The following CALN1 variants were observed in gnomAD, a reference collection of about 807,000 sequenced individuals.
CALN1 encodes the protein calcium-binding protein 8.
A neutral mutation model predicts 30.6 loss-of-function variants in CALN1; 17 were observed. The ratio of observed to expected loss-of-function variants is 0.56; its 90% CI spans 0.38 to 0.83. The LOEUF (loss-of-function observed/expected upper bound fraction) is 0.83, where lower values mean the gene tolerates loss of function less well. CALN1 is among the 40% of genes least tolerant of loss of function. CALN1 has a pLI of 0.00. For synonymous variants in CALN1, 156 were observed against 131.4 expected (o/e 1.19, Z -1.28); for missense variants, 291 against 354.9 (o/e 0.82, Z 1.45).
chr7:71,900,686 G>A (rs1490209077), intron 5 of CALN1, among the ~76,000 whole-genome samples: 1 of 152,210 alleles, frequency 6.6e-6, no homozygotes, highest in African/African-American at 2.4e-5. Context: ...TAGGGCAGAT[G>A]TCTGTGGTCA....
At chr7:71,948,889 A>G (rs1034850142) in intron 5 of CALN1, among the ~76,000 whole-genome samples, 1 of 151,690 alleles carries the variant, frequency 6.6e-6, no homozygotes, top group South Asian at 2.1e-4. Context: ...AAACAAATTT[A>G]AAAAATAGCC....
intron 2 of CALN1, among the ~76,000 whole-genome samples, chr7:72,332,624 T>C (rs1199075607): frequency 1.3e-5 from 2 of 152,098 alleles, no homozygotes; most frequent in Non-Finnish European, 2.9e-5. Flanking sequence ...TTCCTGCCAC[T>C]GAGATCCCCT....
intron 4 of CALN1, among the ~76,000 whole-genome samples, chr7:72,086,419 G>A (rs1382244462): frequency 3.9e-5 from 6 of 151,960 alleles, no homozygotes; most frequent in Non-Finnish European, 8.8e-5. Context: ...ATCAATTATT[G>A]TAGTTGTTAT....
chr7:72,098,009 C>T (rs555400544), intron 4 of CALN1, among the ~76,000 whole-genome samples: 5 of 152,320 alleles, frequency 3.3e-5, no homozygotes, highest in Admixed American at 2.0e-4. Flanking sequence ...CCACCACGCC[C>T]GGCCTTTAAG....
chr7:72,382,993 G>A (rs905971463), intron 2 of CALN1, among the ~76,000 whole-genome samples: 2 of 152,060 alleles, frequency 1.3e-5, no homozygotes, highest in African/African-American at 4.8e-5. Flanking sequence ...TCACCATATT[G>A]GCCGGGATGG....
intron 2 of CALN1, among the ~76,000 whole-genome samples, chr7:72,342,014 G>C (rs1802408720): frequency 1.3e-5 from 2 of 152,070 alleles, no homozygotes; most frequent in African/African-American, 4.8e-5. Flanking sequence ...TACTTTGGAA[G>C]GTCTAGGTGG....
chr7:71,963,310 A>C (rs748760328), intron 5 of CALN1, among the ~76,000 whole-genome samples: 69 of 152,024 alleles, frequency 4.5e-4, no homozygotes, highest in Non-Finnish European at 6.8e-4. Context: ...TTACAGGTGC[A>C]CGCCACCACG....
At chr7:72,241,897 TA>T in intron 3 of CALN1, among the ~76,000 whole-genome samples, 1 of 152,320 alleles carries the variant, frequency 6.6e-6, no homozygotes, top group Admixed American at 6.5e-5. Flanking sequence ...TTTAGTCATT[TA>T]AGCTTTTGAG....
At chr7:71,906,427 A>T (rs1794139978) in intron 5 of CALN1, among the ~76,000 whole-genome samples, 1 of 152,164 alleles carries the variant, frequency 6.6e-6, no homozygotes, top group Admixed American at 6.5e-5. Flanking sequence ...TAATTTAGGG[A>T]GAAATATAGT....
At chr7:72,314,718 T>C (rs1475046811) in intron 2 of CALN1, among the ~76,000 whole-genome samples, 2 of 151,818 alleles carry the variant, frequency 1.3e-5, no homozygotes, top group African/African-American at 2.4e-5. Context: ...CCCGGCCATA[T>C]TTTTTAATTT....
At chr7:72,058,769 T>G (rs1389933850) in intron 4 of CALN1, among the ~76,000 whole-genome samples, 3 of 152,152 alleles carry the variant, frequency 2.0e-5, no homozygotes, top group African/African-American at 7.2e-5. Flanking sequence ...AAATACGCCT[T>G]TGCCCCATAT....
chr7:71,903,858 C>A (rs1432359693), intron 5 of CALN1, among the ~76,000 whole-genome samples: 2 of 151,812 alleles, frequency 1.3e-5, no homozygotes, highest in Non-Finnish European at 2.9e-5. Flanking sequence ...TGGAAGAAAA[C>A]AAAAAACTGG....
At chr7:72,079,721 C>CA (rs1391618655) in intron 4 of CALN1, among the ~76,000 whole-genome samples, 1 of 147,694 alleles carries the variant, frequency 6.8e-6, no homozygotes, top group East Asian at 2.0e-4. Flanking sequence ...ACTGGCCCTT[C>CA]AACTAGGCCT....
At chr7:72,035,257 C>T (rs183917258) in intron 4 of CALN1, among the ~76,000 whole-genome samples, 79 of 152,198 alleles carry the variant, frequency 5.2e-4, no homozygotes, top group Non-Finnish European at 1.3e-4. Context: ...AACCCCCACC[C>T]ATGAAACCAT....
chr7:72,262,422 AGGTTTG>A (rs1796327862), intron 3 of CALN1, among the ~76,000 whole-genome samples: 1 of 152,116 alleles, frequency 6.6e-6, no homozygotes, highest in African/African-American at 2.4e-5. Flanking sequence ...CATGATGCTG[AGGTTTG>A]GGCTTTGATG....
intron 2 of CALN1, among the ~76,000 whole-genome samples, chr7:72,386,798 G>C (rs1253002457): frequency 2.0e-5 from 3 of 152,026 alleles, no homozygotes; most frequent in African/African-American, 7.3e-5. Context: ...ACCACACCTA[G>C]CTAATTTAAA....
At chr7:72,384,108 T>A (rs1365608590) in intron 2 of CALN1, among the ~76,000 whole-genome samples, 2 of 152,200 alleles carry the variant, frequency 1.3e-5, no homozygotes, top group Admixed American at 6.5e-5. Context: ...TGGATATGAC[T>A]TGGAGGAAGG....
Position 71,787,730 on chromosome 7 carries a change from C to A in CALN1, c.*45G>T. 1 of 1,607,800 alleles carries A rather than the reference C, an allele frequency of 6.2e-7. No homozygotes were observed. The highest frequency in any genetic ancestry group is 8.5e-7 in the Non-Finnish European group (1 of 1,177,086). On this transcript the variant is annotated 3_prime_UTR_variant, in exon 7 of 7. Coordinates refer to ENST00000395275, the MANE Select transcript of CALN1 (RefSeq NM_031468.4). ...AGGAAGAGTCTGCCCGCACGGCATG[C>A]ACATGCGCGGTGAGCTGCAACACAG...
chr7:72,068,683 G>A (rs1462743250), intron 4 of CALN1, among the ~76,000 whole-genome samples: 1 of 152,154 alleles, frequency 6.6e-6, no homozygotes, highest in African/African-American at 2.4e-5. Context: ...CAGACATGGG[G>A]TTTCACCAGG....
Sources: allele counts gnomAD v4.1 joint callset (sites outside exome capture counted in the v4.1 genomes callset), GRCh38; gene constraint gnomAD v4.1.1; transcripts MANE v1.5; gene names NCBI Gene and HGNC (gene_info 2026-07-23, HGNC 2026-07-21).